TBX15: variants seen among roughly 807,000 people sequenced by gnomAD.
The protein encoded by TBX15 is T-box transcription factor TBX15.
TBX15 carries 18 observed loss-of-function variants against 53.9 expected under a neutral mutation model. The observed-to-expected ratio is 0.33, with a 90% CI of 0.23 to 0.49. The LOEUF (loss-of-function observed/expected upper bound fraction) is 0.49, where lower values mean the gene tolerates loss of function less well. TBX15 is among the 20% of genes least tolerant of loss of function. The pLI is 0.98. For synonymous variants in TBX15, 295 were observed against 278.0 expected, an observed-to-expected ratio of 1.06 and a Z score of -0.61; for missense variants, 692 against 749.5, an observed-to-expected ratio of 0.92 and a Z score of 0.90.
intron 6 of TBX15, 49 bp downstream of exon 6, chr1:118,914,066 G>C (rs752523130): frequency 6.3e-7 from 1 of 1,585,656 alleles, no homozygotes; most frequent in Non-Finnish European, 8.7e-7. Context: ...GGATGTGAGG[G>C]AAGTAATGTC....
chr1:118,984,853 C>T (rs1310985084), intron 1 of TBX15, among the ~76,000 whole-genome samples: 2 of 152,306 alleles, frequency 1.3e-5, no homozygotes, highest in South Asian at 2.1e-4. Flanking sequence ...ACTGATCCCC[C>T]GTTGCTGCAG....
chr1:118,984,097 C>T (rs1657736490), intron 1 of TBX15, among the ~76,000 whole-genome samples: 1 of 152,220 alleles, frequency 6.6e-6, no homozygotes, highest in Non-Finnish European at 1.5e-5. Context: ...AAGAAAGTGC[C>T]CTGGGGCGGC....
At chr1:118,893,359 A>AGG (rs1320345188) in intron 7 of TBX15, among the ~76,000 whole-genome samples, 674 of 38,652 alleles carry the variant, frequency 0.017, 28 homozygotes, top group African/African-American at 0.05. Context: ...GAAGGAAGGA[A>AGG]AGAAAGAAAG....
At position 118,987,930 on chromosome 1, in the gene TBX15, G is replaced by C. The variant is rs970874562; in HGVS notation, c.-135C>G. The C allele has an allele frequency of 4.5e-6, 5 of 1,114,962 alleles. No homozygotes were observed. The highest frequency in any genetic ancestry group is 1.6e-5 in the African/African-American group (1 of 63,908). The allele number at this position is 1,114,962 out of a possible 1,614,324, so 69.1% of individuals were successfully genotyped here. A position where few individuals can be genotyped will look rare whatever the true frequency, so the allele number is the denominator to read the frequency against. Reference sequence around the variant, plus strand: ...TCGGACGAGGCTGAGACTGCGGCTCGCGGGTCTCTCCACCCTCCCCCTGCG... The same window carrying C: ...TCGGACGAGGCTGAGACTGCGGCTCCCGGGTCTCTCCACCCTCCCCCTGCG... On this transcript the variant is annotated 5_prime_UTR_variant, in exon 1 of 8. Coordinates refer to ENST00000369429, the MANE Select transcript of TBX15 (RefSeq NM_001330677.2).
intron 7 of TBX15, among the ~76,000 whole-genome samples, chr1:118,895,970 T>G (rs548999226): frequency 1.3e-5 from 2 of 152,352 alleles, no homozygotes; most frequent in Admixed American, 6.5e-5. Context: ...ACTACAGATA[T>G]GATACTAGAC....
At chr1:118,898,868 G>A (rs1027090813) in intron 7 of TBX15, among the ~76,000 whole-genome samples, 160 bp downstream of exon 7, 1 of 152,144 alleles carries the variant, frequency 6.6e-6, no homozygotes, top group Non-Finnish European at 1.5e-5. Context: ...TACCCAAGTG[G>A]TGATGCTTTG....
In TBX15 at chr1:118,884,849, G is replaced by A; in HGVS notation, c.1692C>T (p.His564=). 6.2e-7 allele frequency: 1 copy of A among 1,614,170 alleles called. No individual in the cohort carries two copies. Among genetic ancestry groups the A allele is most frequent in the Non-Finnish European group, 8.5e-7 (1 of 1,180,026 alleles). ...ERQYLPSGME[H]SMHMISPSPN... ...GTGAAGGGCTAATCATGTGCATGCTGTGCTCCATCCCTGACGGCAGGTACT... is the reference window on the plus strand; with the variant it reads ...GTGAAGGGCTAATCATGTGCATGCTATGCTCCATCCCTGACGGCAGGTACT... Residue 564 remains histidine (H), a synonymous_variant, in exon 8 of 8, where the codon CAC becomes CAT. Coordinates refer to ENST00000369429, the MANE Select transcript of TBX15 (RefSeq NM_001330677.2).
intron 2 of TBX15, among the ~76,000 whole-genome samples, chr1:118,928,696 G>C (rs1161496092): frequency 6.6e-6 from 1 of 152,178 alleles, no homozygotes; most frequent in East Asian, 1.9e-4. Context: ...ACGAAAGAGA[G>C]AGATTTCTTT....
At chr1:118,898,835 T>C (rs765207135) in intron 7 of TBX15, among the ~76,000 whole-genome samples, 193 bp downstream of exon 7, 1 of 152,220 alleles carries the variant, frequency 6.6e-6, no homozygotes, top group Non-Finnish European at 1.5e-5. Flanking sequence ...CCAGATGAAA[T>C]GCTGCCTTTG....
chr1:118,974,430 A>G (rs1472282501), intron 1 of TBX15, among the ~76,000 whole-genome samples: 1 of 152,214 alleles, frequency 6.6e-6, no homozygotes, highest in Non-Finnish European at 1.5e-5. Flanking sequence ...AAACACATTA[A>G]TGCTAAAATC....
intron 1 of TBX15, among the ~76,000 whole-genome samples, chr1:118,976,161 G>A (rs917968274): frequency 6.6e-6 from 1 of 152,252 alleles, no homozygotes; most frequent in Admixed American, 6.5e-5. Context: ...CCAAATGTGG[G>A]TTGTCCAGCC....
At chr1:118,943,543 G>T (rs1656251754) in intron 1 of TBX15, among the ~76,000 whole-genome samples, 1 of 152,172 alleles carries the variant, frequency 6.6e-6, no homozygotes, top group African/African-American at 2.4e-5. Flanking sequence ...GAAAAGGGTA[G>T]ATCACTAAGA....
intron 7 of TBX15, among the ~76,000 whole-genome samples, chr1:118,898,628 G>A (rs192667480): frequency 7.2e-4 from 110 of 152,112 alleles, no homozygotes; most frequent in Non-Finnish European, 9.0e-4. Flanking sequence ...ATTGTCCAGA[G>A]CTAAGATTTT....
chr1:118,895,164 C>T (rs1279130372), intron 7 of TBX15, among the ~76,000 whole-genome samples: 1 of 152,174 alleles, frequency 6.6e-6, no homozygotes, highest in African/African-American at 2.4e-5. Context: ...AAAATTCAAT[C>T]ATCAACAGAG....
intron 7 of TBX15, among the ~76,000 whole-genome samples, chr1:118,893,350 AAG>A (rs1654236178): frequency 8.0e-5 from 7 of 87,426 alleles, no homozygotes; most frequent in African/African-American, 4.5e-4. Context: ...GGAAGGAAGG[AAG>A]GAAGGAAAGA....
Position 118,893,598 on chromosome 1 carries a change from GGAAA to G in TBX15, c.1024+5426_1024+5429del, listed in dbSNP as rs1216186337. Among the ~76,000 whole-genome samples, 270 of 119,092 alleles carry G rather than the reference GGAAA, an allele frequency of 2.3e-3. 5 individuals are homozygous for G. Among genetic ancestry groups the G allele is most frequent in the Admixed American group, 4.9e-3 (60 of 12,260 alleles). The allele number at this position is 119,092 out of a possible 152,430, so 78.1% of individuals were successfully genotyped here. On this transcript the variant is annotated intron_variant, in intron 7 of 7. Transcript: ENST00000369429. ...GGAAAGAAAGAAAGGAAGGAAGGAA[GGAAA>G]GAAAGAAAGAAAGAGAGAGAGAAAG...
chr1:118,923,171 T>A (rs543285845), intron 5 of TBX15, among the ~76,000 whole-genome samples: 3 of 152,208 alleles, frequency 2.0e-5, no homozygotes, highest in African/African-American at 7.2e-5. Flanking sequence ...GAATTTGAGA[T>A]GGTTTAATAG....
intron 1 of TBX15, among the ~76,000 whole-genome samples, chr1:118,949,514 G>C (rs748901211): frequency 1.3e-5 from 2 of 152,178 alleles, no homozygotes; most frequent in Non-Finnish European, 2.9e-5. Context: ...TCCAGTCCTG[G>C]TGATTTACTT....
intron 1 of TBX15, among the ~76,000 whole-genome samples, chr1:118,986,689 C>T (rs776852798): frequency 3.3e-5 from 5 of 152,204 alleles, no homozygotes; most frequent in Non-Finnish European, 7.3e-5. Context: ...TCAGCAGGAG[C>T]ACCTTCCAGC....
Sources: gnomAD v4.1 joint callset for allele counts (sites outside exome capture counted in the v4.1 genomes callset) on GRCh38, gnomAD v4.1.1 for gene constraint, MANE v1.5 for transcripts, NCBI Gene and HGNC (gene_info 2026-07-23, HGNC 2026-07-21) for gene names.